METTL9: variants seen among roughly 807,000 people sequenced by gnomAD.
METTL9 encodes the protein protein-L-histidine N-pros-methyltransferase.
A neutral mutation model predicts 36.0 loss-of-function variants in METTL9; 10 were observed. The observed-to-expected ratio is 0.28, with a 90% CI of 0.17 to 0.47. The LOEUF (loss-of-function observed/expected upper bound fraction) is 0.47, where lower values mean the gene tolerates loss of function less well. METTL9 is among the 20% of genes least tolerant of loss of function. The probability of loss-of-function intolerance (pLI) is 0.99; values close to 1 mark genes in which losing one functional copy is unlikely to be tolerated. For synonymous variants in METTL9, 175 were observed against 149.7 expected (o/e 1.17, Z -1.23); for missense variants, 246 against 383.5 (o/e 0.64, Z 3.00).
At chr16:21,602,194 A>G (rs573432542) in intron 1 of METTL9, among the ~76,000 whole-genome samples, 108 of 152,318 alleles carry the variant, frequency 7.1e-4, no homozygotes, top group African/African-American at 2.5e-3. Context: ...TTGGAGTTGC[A>G]TAAAAGTAGG....
At chr16:21,619,763 G>A (rs1241929685) in intron 3 of METTL9, among the ~76,000 whole-genome samples, 3 of 152,016 alleles carry the variant, frequency 2.0e-5, no homozygotes, top group African/African-American at 7.2e-5. Flanking sequence ...ATTTCAGTAT[G>A]ATTTATTGAT....
At chr16:21,620,031 T>C (rs1169267388) in intron 3 of METTL9, among the ~76,000 whole-genome samples, 1 of 152,180 alleles carries the variant, frequency 6.6e-6, no homozygotes. Context: ...AAGGGAAGAT[T>C]TCTGTGAACA....
intron 4 of METTL9, among the ~76,000 whole-genome samples, chr16:21,638,629 G>A (rs138635444): frequency 1.3e-5 from 2 of 152,262 alleles, no homozygotes; most frequent in East Asian, 3.9e-4. Context: ...AACAGATAAT[G>A]GCAGGAAATT....
In METTL9 at chr16:21,605,257, C is replaced by CTTTT. The variant is rs3046231; in HGVS notation, c.165+5395_165+5398dup. ...GGGGTGGTAAAAATAGGCTTGCCTT[C>CTTTT]TTTTTTTTTTTTTTTTTTTTTTTTT... On this transcript the variant is annotated intron_variant, in intron 1 of 4. Transcript: ENST00000358154. Among the ~76,000 whole-genome samples the CTTTT allele has an allele frequency of 1.9e-3, 97 of 51,228 alleles. 18 individuals carry two copies. The highest frequency in any genetic ancestry group is 2.3e-3 in the African/African-American group (36 of 15,560). The allele number at this position is 51,228 out of a possible 152,430, so 33.6% of individuals were successfully genotyped here.
At chr16:21,614,172 C>T (rs779080662) in intron 2 of METTL9, among the ~76,000 whole-genome samples, 2 of 152,116 alleles carry the variant, frequency 1.3e-5, no homozygotes, top group East Asian at 3.8e-4. Flanking sequence ...TGAGTTGATA[C>T]AACTTGGTCT....
At chr16:21,611,338 T>C (rs550857846) in intron 1 of METTL9, among the ~76,000 whole-genome samples, 1 of 152,194 alleles carries the variant, frequency 6.6e-6, no homozygotes, top group Non-Finnish European at 1.5e-5. Flanking sequence ...CACTGAACAT[T>C]AGTAAGCTTA....
chr16:21,609,987 T>C (rs562864594), intron 1 of METTL9, among the ~76,000 whole-genome samples: 22 of 152,294 alleles, frequency 1.4e-4, no homozygotes, highest in Non-Finnish European at 2.6e-4. Context: ...AACAGCTTTA[T>C]TGGGATATAA....
intron 1 of METTL9, among the ~76,000 whole-genome samples, chr16:21,602,086 G>GT (rs1193790231): frequency 3.3e-5 from 5 of 152,050 alleles, no homozygotes; most frequent in Non-Finnish European, 7.4e-5. Context: ...TGAAGTAACT[G>GT]TAACTGTTTT....
intron 4 of METTL9, among the ~76,000 whole-genome samples, chr16:21,634,912 G>A (rs926852604): frequency 6.6e-6 from 1 of 152,160 alleles, no homozygotes; most frequent in Non-Finnish European, 1.5e-5. Context: ...GTCAACAGAT[G>A]TTTACGACTC....
intron 3 of METTL9, among the ~76,000 whole-genome samples, chr16:21,621,330 A>ATT (rs543954823): frequency 3.4e-5 from 5 of 145,208 alleles, no homozygotes; most frequent in African/African-American, 2.5e-5. Flanking sequence ...AGGTTCTGTA[A>ATT]TTTTTTTTTT....
At chr16:21,628,297 A>G (rs1056818528) in intron 4 of METTL9, among the ~76,000 whole-genome samples, 1 of 152,154 alleles carries the variant, frequency 6.6e-6, no homozygotes, top group African/African-American at 2.4e-5. Flanking sequence ...GAAATTGACC[A>G]TGATGGGAGT....
intron 2 of METTL9, among the ~76,000 whole-genome samples, chr16:21,614,798 G>A (rs866808897): frequency 1.3e-5 from 2 of 152,168 alleles, no homozygotes; most frequent in African/African-American, 4.8e-5. Flanking sequence ...GCATCTCTCC[G>A]TAGACTCTTA....
At chr16:21,641,518 G>A (rs1435751746) in intron 4 of METTL9, 3 of 1,533,332 alleles carry the variant, frequency 2.0e-6, no homozygotes. Context: ...TGACTTCATT[G>A]AAAATTAAAA....
chr16:21,599,771 C>T lies in METTL9; in HGVS notation c.38C>T (p.Ala13Val), dbSNP rs1230821242. The part of the protein sequence containing the change: ...LLAGWLCLSL[A>V]SVWLARRMWT... ...GCGGGCTGGCTGTGCCTGAGCCTGG[C>T]GTCCGTGTGGCTGGCGCGGAGGATG... is the stretch of plus-strand genomic sequence containing the variant. The change falls in exon 1 of 5, where the codon GCG becomes GTG. Residue 13 changes from alanine (A) to valine (V), a missense_variant. Transcript: ENST00000358154. This position sits in a 1 kb window ranked among gnomAD's most constrained non-coding sequence, Gnocchi z 4.4. The T allele has an allele frequency of 6.0e-5, 92 of 1,542,972 alleles. No homozygotes were observed. In the East Asian group the frequency reaches 2.4e-3, roughly 40 times the overall value.
intron 1 of METTL9, among the ~76,000 whole-genome samples, chr16:21,611,776 A>C (rs1965431526): frequency 6.6e-6 from 1 of 152,160 alleles, no homozygotes; most frequent in Admixed American, 6.5e-5. Context: ...CCGGGACTTG[A>C]TTGTGGGGCT....
chr16:21,625,658 A>G (rs1965800149), intron 4 of METTL9, among the ~76,000 whole-genome samples: 1 of 152,136 alleles, frequency 6.6e-6, no homozygotes, highest in African/African-American at 2.4e-5. Context: ...CTTCAGCAAT[A>G]TTGAATGAAG....
chr16:21,620,918 A>G (rs1228490401), intron 3 of METTL9, among the ~76,000 whole-genome samples: 2 of 151,570 alleles, frequency 1.3e-5, no homozygotes, highest in African/African-American at 2.4e-5. Context: ...GATTAGAGCT[A>G]TTTTCTATTT....
chr16:21,647,593 C>T, intron 4 of METTL9: 2 of 1,408,828 alleles, frequency 1.4e-6, no homozygotes, highest in Non-Finnish European at 1.9e-6. Context: ...TGTTATTTTT[C>T]TTACCTTAAT....
At chr16:21,630,295 C>T (rs1446124442) in intron 4 of METTL9, among the ~76,000 whole-genome samples, 1 of 152,224 alleles carries the variant, frequency 6.6e-6, no homozygotes, top group East Asian at 1.9e-4. Context: ...AGCCTGCGCC[C>T]ACCCGGAACC....
Sources: gnomAD v4.1 joint callset for allele counts (sites outside exome capture counted in the v4.1 genomes callset) on GRCh38, gnomAD v4.1.1 for gene constraint, Gnocchi (gnomAD v3.1) non-coding constraint, MANE v1.5 for transcripts, NCBI Gene and HGNC (gene_info 2026-07-23, HGNC 2026-07-21) for gene names.